CFAP57: variants seen among roughly 807,000 people sequenced by gnomAD.
CFAP57 encodes the protein cilia- and flagella-associated protein 57.
Under a neutral mutation model 146.8 loss-of-function variants are expected in CFAP57, and 116 were observed. The observed-to-expected ratio is 0.79, with a 90% CI of 0.68 to 0.92. The LOEUF is 0.92. Among genes scored for constraint, CFAP57 ranks in the 40% least tolerant of loss-of-function variants. CFAP57 has a pLI of 0.00. For synonymous variants in CFAP57, 518 were observed against 552.8 expected (o/e 0.94, Z 0.88); for missense variants, 1,377 against 1,527.2 (o/e 0.90, Z 1.64).
chr1:43,223,160 G>A (rs1437314378), intron 16 of CFAP57, among the ~76,000 whole-genome samples, 163 bp downstream of exon 16: 1 of 152,220 alleles, frequency 6.6e-6, no homozygotes, highest in East Asian at 1.9e-4. Flanking sequence ...CCCTCACGCA[G>A]ATGGACCCTC....
rs190271246 is a variant in CFAP57, at chr1:43,206,966, G to A, written c.1755+34G>A. 4 of 1,601,338 alleles carry A rather than the reference G, an allele frequency of 2.5e-6. No individual in the cohort carries two copies. In the Admixed American group the frequency reaches 6.7e-5, roughly 27 times the overall value. On this transcript the variant is annotated intron_variant, in intron 10 of 22. Transcript: ENST00000372492. The stretch of plus-strand genomic sequence containing the variant: ...GCCCCTGCCCCGCCTCTGGGCTGGT[G>A]CACGGATCTGCAGGGACAGCTTCCC...
intron 14 of CFAP57, among the ~76,000 whole-genome samples, 166 bp from the exon 15 acceptor site, chr1:43,221,939 G>A (rs777866948): frequency 9.2e-5 from 14 of 152,178 alleles, no homozygotes; most frequent in Non-Finnish European, 2.1e-4. Flanking sequence ...GAGATGATGG[G>A]ATGAGGGGTT....
At chr1:43,199,611 T>C (rs1644027682) in intron 9 of CFAP57, 108 bp downstream of exon 9, 2 of 963,374 alleles carry the variant, frequency 2.1e-6, no homozygotes, top group Admixed American at 1.8e-5. Context: ...TCCTCATGGG[T>C]TCACTGTCTA....
At chr1:43,199,345 TG>T in intron 8 of CFAP57, 44 bp from the exon 9 acceptor site, 1 of 1,577,352 alleles carries the variant, frequency 6.3e-7, no homozygotes, top group Non-Finnish European at 8.7e-7. Context: ...CTAATTAGAC[TG>T]CTCACTTCCT....
At chr1:43,227,296 G>A (rs887119696) in intron 18 of CFAP57, among the ~76,000 whole-genome samples, 170 bp downstream of exon 18, 3 of 152,230 alleles carry the variant, frequency 2.0e-5, no homozygotes, top group African/African-American at 4.8e-5. Context: ...CCGTGGCCCC[G>A]CTGCAGGCTC....
At position 43,227,101 on chromosome 1, in the gene CFAP57, G is replaced by A; in HGVS notation, c.2984G>A (p.Arg995Lys). The A allele has an allele frequency of 6.5e-7, 1 of 1,541,192 alleles. No individual in the cohort carries two copies. The highest frequency in any genetic ancestry group is 8.8e-7 in the Non-Finnish European group (1 of 1,142,270). The stretch of plus-strand genomic sequence containing the variant: ...ATAGAACCTCGAGAGAATGAGATCA[G>A]GGTGATGAAGGAACAGATTCAGGAG... ...KQIEPRENEIRVMKEQIQEME... is the reference protein window; with the variant it reads ...KQIEPRENEIKVMKEQIQEME... The change falls in exon 18 of 23, where the codon AGG becomes AAG. Residue 995 changes from arginine (R) to lysine (K), a missense_variant. By Grantham distance (26) the Arg-to-Lys change is conservative. Coordinates refer to ENST00000372492, the MANE Select transcript of CFAP57 (RefSeq NM_001378189.1).
intron 2 of CFAP57, among the ~76,000 whole-genome samples, chr1:43,180,658 C>T (rs1204905659): frequency 6.6e-6 from 1 of 152,066 alleles, no homozygotes; most frequent in Admixed American, 6.5e-5. Flanking sequence ...AGAGAAGATC[C>T]CAGGTTCTAG....
intron 22 of CFAP57, among the ~76,000 whole-genome samples, chr1:43,250,920 C>T (rs1277728871): frequency 6.6e-6 from 1 of 152,114 alleles, no homozygotes; most frequent in Non-Finnish European, 1.5e-5. Flanking sequence ...AAAATTTTCC[C>T]AAATTGAGAG....
At chr1:43,248,786 A>G (rs1239054593) in intron 22 of CFAP57, among the ~76,000 whole-genome samples, 4 of 152,194 alleles carry the variant, frequency 2.6e-5, no homozygotes, top group Non-Finnish European at 1.5e-5. Context: ...GTGAAACCCT[A>G]AAAAGCAAGA....
At position 43,241,662 on chromosome 1, in the gene CFAP57, G is replaced by A. The variant is rs148724625; in HGVS notation, c.3406-1565G>A. Among the ~76,000 whole-genome samples the A allele has an allele frequency of 1.3e-3, 201 of 152,282 alleles. 2 individuals are homozygous for A. The highest frequency in any genetic ancestry group is 3.3e-3 in the Admixed American group (50 of 15,302). On this transcript the variant is annotated intron_variant, in intron 21 of 22. Transcript: ENST00000372492. ...GCCTTTTCTGGTATACAGACCCTCAGGTGCTTTGCAACTGAAAGTGTGGTC... is the reference window on the plus strand; with the variant it reads ...GCCTTTTCTGGTATACAGACCCTCAAGTGCTTTGCAACTGAAAGTGTGGTC...
chr1:43,209,961 G>A, intron 11 of CFAP57, 45 bp downstream of exon 11: 1 of 1,613,600 alleles, frequency 6.2e-7, no homozygotes, highest in Non-Finnish European at 8.5e-7. Context: ...ACACCTGCCT[G>A]CTACGTGCCT....
chr1:43,210,025 T>G (rs1421298160), intron 11 of CFAP57, 109 bp downstream of exon 11: 1 of 1,613,914 alleles, frequency 6.2e-7, no homozygotes, highest in Non-Finnish European at 8.5e-7. Flanking sequence ...TCTCTCTTAT[T>G]TATTCATCCA....
intron 21 of CFAP57, among the ~76,000 whole-genome samples, chr1:43,242,884 T>C (rs975386562): frequency 2.6e-5 from 4 of 151,972 alleles, no homozygotes; most frequent in African/African-American, 9.7e-5. Flanking sequence ...ATAATAGCCA[T>C]ATAATAGCCA....
At chr1:43,221,646 A>G (rs1645047770) in intron 14 of CFAP57, among the ~76,000 whole-genome samples, 181 bp downstream of exon 14, 1 of 152,172 alleles carries the variant, frequency 6.6e-6, no homozygotes. Flanking sequence ...CTCATTCACT[A>G]AGCACATTAA....
intron 6 of CFAP57, among the ~76,000 whole-genome samples, chr1:43,188,150 C>T (rs1643272431): frequency 6.6e-6 from 1 of 152,162 alleles, no homozygotes; most frequent in South Asian, 2.1e-4. Flanking sequence ...ATCAGTACTT[C>T]ATTCCTTTTT....
chr1:43,247,626 T>C (rs1249078636), intron 22 of CFAP57, among the ~76,000 whole-genome samples: 1 of 152,272 alleles, frequency 6.6e-6, no homozygotes, highest in Non-Finnish European at 1.5e-5. Context: ...ACTAAGAATT[T>C]TAACTATGAA....
intron 1 of CFAP57, 26 bp from the exon 2 acceptor site, chr1:43,172,709 T>C (rs1427521548): frequency 1.2e-6 from 2 of 1,612,334 alleles, no homozygotes; most frequent in Non-Finnish European, 1.7e-6. Context: ...CTCTCCACTC[T>C]GAAGCGCTGC....
rs563458439 is a variant in CFAP57, at chr1:43,240,791, A to G, written c.3406-2436A>G. Among the ~76,000 whole-genome samples the G allele has an allele frequency of 4.6e-5, 7 of 152,336 alleles. No individual in the cohort carries two copies. In the South Asian group the frequency reaches 6.2e-4, roughly 14 times the overall value. Reference sequence around the variant, plus strand: ...TCAAGACCTCAGGAAGCTTTCACTCATGATGGAAGGCAAAAGAGGAGCAGG... The same window carrying G: ...TCAAGACCTCAGGAAGCTTTCACTCGTGATGGAAGGCAAAAGAGGAGCAGG... On this transcript the variant is annotated intron_variant, in intron 21 of 22. Transcript: ENST00000372492.
chr1:43,203,169 C>T (rs1425084258), intron 9 of CFAP57, among the ~76,000 whole-genome samples: 1 of 148,632 alleles, frequency 6.7e-6, no homozygotes, highest in African/African-American at 2.6e-5. Flanking sequence ...TGAGACTCTG[C>T]CTCAAAACAA....
Sources: allele counts gnomAD v4.1 joint callset (sites outside exome capture counted in the v4.1 genomes callset), GRCh38; gene constraint gnomAD v4.1.1; transcripts MANE v1.5; gene names NCBI Gene and HGNC (gene_info 2026-07-23, HGNC 2026-07-21).